CNTN5: variants seen among roughly 807,000 people sequenced by gnomAD.
CNTN5 encodes contactin-5.
Under a neutral mutation model 129.1 loss-of-function variants are expected in CNTN5, and 77 were observed. That is an observed-to-expected ratio of 0.60 (90% confidence interval 0.50 to 0.72). The LOEUF is 0.72. CNTN5 is among the 30% of genes least tolerant of loss of function. The pLI is 0.00. For synonymous variants in CNTN5, 509 were observed against 465.6 expected, an observed-to-expected ratio of 1.09 and a Z score of -1.20; for missense variants, 1,478 against 1,328.8, an observed-to-expected ratio of 1.11 and a Z score of -1.75.
At chr11:100,077,674 AG>A (rs1436266272) in intron 13 of CNTN5, among the ~76,000 whole-genome samples, 16 of 151,970 alleles carry the variant, frequency 1.1e-4, no homozygotes, top group Non-Finnish European at 2.4e-4. Flanking sequence ...ATAAAAAAGA[AG>A]AAAAAACAAC....
intron 1 of CNTN5, among the ~76,000 whole-genome samples, chr11:99,036,856 A>G (rs1020257843): frequency 6.6e-6 from 1 of 152,124 alleles, no homozygotes; most frequent in Non-Finnish European, 1.5e-5. Flanking sequence ...TATTTGACCT[A>G]TGGTTCCTAC....
intron 1 of CNTN5, among the ~76,000 whole-genome samples, chr11:99,187,247 A>C (rs1278844272): frequency 2.6e-5 from 4 of 151,802 alleles, no homozygotes; most frequent in African/African-American, 9.7e-5. Flanking sequence ...GAAGTAATGA[A>C]AAATGTACCT....
chr11:99,671,868 A>G (rs190255992), intron 3 of CNTN5, among the ~76,000 whole-genome samples: 49 of 152,286 alleles, frequency 3.2e-4, no homozygotes, highest in Admixed American at 8.5e-4. Context: ...AAGAAATACT[A>G]TACCTGTGTG....
chr11:99,261,177 A>C (rs1484644968), intron 1 of CNTN5, among the ~76,000 whole-genome samples: 2 of 150,654 alleles, frequency 1.3e-5, no homozygotes, highest in Non-Finnish European at 3.0e-5. Flanking sequence ...ACTAATGAAC[A>C]CATACAATGT....
chr11:99,835,241 C>T (rs988960957), intron 4 of CNTN5, among the ~76,000 whole-genome samples: 2 of 152,064 alleles, frequency 1.3e-5, no homozygotes, highest in African/African-American at 4.8e-5. Context: ...ATTTATTCTT[C>T]GTAACATGAG....
chr11:99,573,433 G>T (rs1452468547), intron 3 of CNTN5, among the ~76,000 whole-genome samples: 1 of 151,834 alleles, frequency 6.6e-6, no homozygotes, highest in South Asian at 2.1e-4. Context: ...AGCCGGGCGT[G>T]GTGGCAGGCG....
intron 13 of CNTN5, among the ~76,000 whole-genome samples, chr11:100,115,745 T>G (rs1420804516): frequency 2.6e-5 from 4 of 152,084 alleles, no homozygotes; most frequent in African/African-American, 9.7e-5. Context: ...TTTGAGAGAT[T>G]GTTCTATTTT....
At chr11:100,333,408 GAA>G (rs547220238) in intron 21 of CNTN5, among the ~76,000 whole-genome samples, 11,560 of 74,210 alleles carry the variant, frequency 0.16, 275 homozygotes, top group East Asian at 0.35. Flanking sequence ...CACTGAATTA[GAA>G]AAAAAAAAAA....
intron 2 of CNTN5, among the ~76,000 whole-genome samples, chr11:99,419,082 C>A (rs1232142317): frequency 6.6e-6 from 1 of 152,096 alleles, no homozygotes; most frequent in African/African-American, 2.4e-5. Context: ...TAAGCAAGTG[C>A]CAAAGTAAAC....
intron 2 of CNTN5, among the ~76,000 whole-genome samples, chr11:99,353,581 A>G (rs1938443525): frequency 6.6e-6 from 1 of 152,208 alleles, no homozygotes; most frequent in East Asian, 1.9e-4. Context: ...AAAAGATTGA[A>G]TCATGGTCAG....
At chr11:99,596,059 C>A (rs925781295) in intron 3 of CNTN5, among the ~76,000 whole-genome samples, 1 of 152,068 alleles carries the variant, frequency 6.6e-6, no homozygotes, top group East Asian at 1.9e-4. Flanking sequence ...ATCTAAGAGA[C>A]CCAGATAATC....
intron 2 of CNTN5, among the ~76,000 whole-genome samples, chr11:99,376,848 T>A (rs1940215761): frequency 6.6e-6 from 1 of 152,228 alleles, no homozygotes; most frequent in Non-Finnish European, 1.5e-5. Context: ...TTAAAAATCC[T>A]TTCTATTCTC....
intron 6 of CNTN5, among the ~76,000 whole-genome samples, chr11:99,892,933 C>T (rs1323068980): frequency 6.6e-6 from 1 of 152,134 alleles, no homozygotes; most frequent in Non-Finnish European, 1.5e-5. Flanking sequence ...TGGCCATTTT[C>T]ACGATATTGA....
chr11:100,115,002 G>A (rs1007274039), intron 13 of CNTN5, among the ~76,000 whole-genome samples: 32 of 150,820 alleles, frequency 2.1e-4, no homozygotes, highest in Admixed American at 8.0e-4. Context: ...ATTGGATTGC[G>A]CTGACACCAT....
intron 2 of CNTN5, among the ~76,000 whole-genome samples, chr11:99,484,535 A>G (rs182821624): frequency 6.6e-6 from 1 of 152,330 alleles, no homozygotes; most frequent in Admixed American, 6.5e-5. Flanking sequence ...CTGGGTATTT[A>G]TTCAAAGGAA....
intron 6 of CNTN5, among the ~76,000 whole-genome samples, chr11:99,896,808 C>G (rs896040856): frequency 6.6e-6 from 1 of 152,174 alleles, no homozygotes; most frequent in South Asian, 2.1e-4. Flanking sequence ...GCCACTGTCC[C>G]AGCTGAGGGT....
At chr11:99,684,011 T>G (rs1421154084) in intron 3 of CNTN5, among the ~76,000 whole-genome samples, 2 of 151,830 alleles carry the variant, frequency 1.3e-5, no homozygotes, top group East Asian at 3.9e-4. Context: ...ATATTAACTG[T>G]AGTCATCATG....
At chr11:99,173,366 C>G (rs939869774) in intron 1 of CNTN5, among the ~76,000 whole-genome samples, 14 of 152,116 alleles carry the variant, frequency 9.2e-5, no homozygotes, top group African/African-American at 3.4e-4. Flanking sequence ...TAGAACCAAG[C>G]CATCCCAAGT....
intron 13 of CNTN5, among the ~76,000 whole-genome samples, chr11:100,177,189 T>A (rs1259042420): frequency 2.6e-5 from 4 of 152,094 alleles, no homozygotes; most frequent in African/African-American, 9.7e-5. Flanking sequence ...CCATGGATCA[T>A]TTTACCTATT....
Sources: allele counts gnomAD v4.1 joint callset (sites outside exome capture counted in the v4.1 genomes callset), GRCh38; gene constraint gnomAD v4.1.1; transcripts MANE v1.5; gene names NCBI Gene and HGNC (gene_info 2026-07-23, HGNC 2026-07-21).